Variants in NTRK2 observed in about 807,000 individuals in gnomAD.
NTRK2 encodes neurotrophic receptor tyrosine kinase 2.
Under a neutral mutation model 94.5 loss-of-function variants are expected in NTRK2, and 13 were observed. That is an observed-to-expected ratio of 0.14 (90% CI 0.09 to 0.22). The LOEUF is 0.22. Among genes scored for constraint, NTRK2 ranks in the 10% least tolerant of loss-of-function variants. NTRK2 has a pLI of 1.00. For synonymous variants in NTRK2, 372 were observed against 407.4 expected, an observed-to-expected ratio of 0.91 and a Z score of 1.05; for missense variants, 639 against 1,071.2, an observed-to-expected ratio of 0.60 and a Z score of 5.63.
At chr9:84,724,485 C>A in intron 8 of NTRK2, 129 bp downstream of exon 8, 1 of 1,043,860 alleles carries the variant, frequency 9.6e-7, no homozygotes, top group Non-Finnish European at 1.5e-6. Flanking sequence ...TGTGCATACT[C>A]TATTAAGAAA....
intron 4 of NTRK2, among the ~76,000 whole-genome samples, chr9:84,703,392 A>G (rs1179396412): frequency 6.6e-6 from 1 of 152,218 alleles, no homozygotes; most frequent in East Asian, 1.9e-4. Flanking sequence ...GAGTTCTAGG[A>G]CTTGCTCAGA....
In NTRK2 at chr9:84,692,451, C is replaced by CT. The variant is rs909587421; in HGVS notation, c.213-9700dup. Among the ~76,000 whole-genome samples, 3 of 133,226 alleles carry CT rather than the reference C, an allele frequency of 2.3e-5. No individual in the cohort carries two copies. In the Admixed American group the frequency reaches 2.4e-4, roughly 11 times the overall value. 87.4% of individuals were successfully genotyped at this position (133,226 alleles called of 152,430 possible). On this transcript the variant is annotated intron_variant, in intron 2 of 18. Transcript: ENST00000277120. ...TTTTACACACAGTTTCTTTTCTTTT[C>CT]TTTTTTTTCTTTTTTTCTTTTTTTT...
chr9:84,912,611 C>CTT (rs1212242779), intron 14 of NTRK2, among the ~76,000 whole-genome samples: 1,011 of 95,278 alleles, frequency 0.011, 29 homozygotes, highest in African/African-American at 0.025. Flanking sequence ...TTTGACTTGC[C>CTT]TTTTTTTTTT....
chr9:84,886,427 A>T (rs1587826609), intron 14 of NTRK2, among the ~76,000 whole-genome samples: 1 of 152,164 alleles, frequency 6.6e-6, no homozygotes, highest in South Asian at 2.1e-4. Flanking sequence ...TGTAATTGCC[A>T]CCCAGGCACT....
At chr9:84,785,300 C>A (rs1350286630) in intron 12 of NTRK2, among the ~76,000 whole-genome samples, 1 of 152,180 alleles carries the variant, frequency 6.6e-6, no homozygotes, top group Non-Finnish European at 1.5e-5. Flanking sequence ...TAAAAACCAA[C>A]TATTTGCTGA....
chr9:84,892,320 C>T (rs745950996), intron 14 of NTRK2, among the ~76,000 whole-genome samples: 82 of 152,182 alleles, frequency 5.4e-4, no homozygotes, highest in Non-Finnish European at 1.0e-3. Flanking sequence ...CTCTGTCTCT[C>T]ACATCTTAAA....
In NTRK2 at chr9:84,702,229, A is replaced by G. The variant is rs1185342057; in HGVS notation, c.283A>G (p.Asn95Asp). The G allele has an allele frequency of 6.2e-7, 1 of 1,614,152 alleles. No homozygotes were observed. The highest frequency in any genetic ancestry group is 2.2e-5 in the East Asian group (1 of 44,878). The change falls in exon 3 of 19, where the codon AAT becomes GAT. Residue 95 changes from asparagine to aspartate, a missense_variant. This residue lies in a region of NTRK2 where 206 missense variants were observed against 251.5 expected (regional missense o/e 0.82). Transcript: ENST00000277120. ...DDVEAYVGLR[N>D]LTIVDSGLKF... ...TGTTGAAGCTTATGTGGGACTGAGA[A>G]ATCTGTGAGTACTCAGGACCAGGGC...
chr9:84,894,155 T>G (rs62562457), intron 14 of NTRK2, among the ~76,000 whole-genome samples: 130,272 of 150,276 alleles, frequency 0.87, 56,676 homozygotes, highest in African/African-American at 0.94. Flanking sequence ...GGGTGTTACT[T>G]GACTATTTGG....
intron 4 of NTRK2, among the ~76,000 whole-genome samples, chr9:84,702,865 A>G (rs900251347): frequency 1.3e-5 from 2 of 152,190 alleles, no homozygotes; most frequent in African/African-American, 4.8e-5. Flanking sequence ...TTGAACCTTC[A>G]TTTTCCCAAA....
intron 12 of NTRK2, among the ~76,000 whole-genome samples, chr9:84,759,797 T>G (rs2065391905): frequency 6.6e-6 from 1 of 152,240 alleles, no homozygotes; most frequent in African/African-American, 2.4e-5. Flanking sequence ...GTCCTGCATG[T>G]CTTTGCTTTC....
At chr9:84,972,323 A>G (rs528548415) in intron 17 of NTRK2, among the ~76,000 whole-genome samples, 1 of 152,330 alleles carries the variant, frequency 6.6e-6, no homozygotes, top group East Asian at 1.9e-4. Context: ...TTCCCAAAAG[A>G]TGAGTTCCTT....
chr9:84,682,627 G>A (rs1386624524), intron 2 of NTRK2, among the ~76,000 whole-genome samples: 2 of 151,914 alleles, frequency 1.3e-5, no homozygotes, highest in African/African-American at 4.8e-5. Flanking sequence ...CTCCCACCAT[G>A]TACTCCCACC....
intron 15 of NTRK2, among the ~76,000 whole-genome samples, chr9:84,942,181 G>C (rs76890032): frequency 1.3e-5 from 2 of 152,266 alleles, no homozygotes; most frequent in Admixed American, 1.3e-4. Flanking sequence ...TTTTACATTT[G>C]TAGGGATGTT....
At chr9:84,898,808 T>A in intron 14 of NTRK2, among the ~76,000 whole-genome samples, 1 of 152,114 alleles carries the variant, frequency 6.6e-6, no homozygotes, top group East Asian at 1.9e-4. Context: ...CTTCAAGTGA[T>A]TCTCCTGCCT....
chr9:84,704,206 C>T (rs953596294), intron 4 of NTRK2, among the ~76,000 whole-genome samples: 4 of 147,272 alleles, frequency 2.7e-5, no homozygotes, highest in Non-Finnish European at 4.5e-5. Flanking sequence ...TGATATATGA[C>T]GGTGATTTTG....
intron 6 of NTRK2, among the ~76,000 whole-genome samples, chr9:84,711,203 A>G (rs909102403): frequency 1.3e-5 from 2 of 152,200 alleles, no homozygotes; most frequent in African/African-American, 4.8e-5. Flanking sequence ...GTGTCCTGGC[A>G]GCACAAGCAA....
chr9:84,871,221 G>A (rs948416968), intron 14 of NTRK2, among the ~76,000 whole-genome samples: 22 of 152,270 alleles, frequency 1.4e-4, no homozygotes, highest in Admixed American at 9.8e-4. Flanking sequence ...GATCAGGCAC[G>A]TCAATGCAAG....
chr9:84,975,908 A>C (rs150565080), intron 17 of NTRK2, among the ~76,000 whole-genome samples: 156 of 152,268 alleles, frequency 1.0e-3, no homozygotes, highest in Admixed American at 2.9e-3. Context: ...AAAGGATAGC[A>C]TAGGTCCCTA....
chr9:84,791,400 T>G (rs2068719826), intron 12 of NTRK2, among the ~76,000 whole-genome samples: 1 of 152,226 alleles, frequency 6.6e-6, no homozygotes, highest in South Asian at 2.1e-4. Flanking sequence ...AACTGACTAT[T>G]GTCTCTGTAG....
Sources: gnomAD v4.1 joint callset for allele counts (sites outside exome capture counted in the v4.1 genomes callset) on GRCh38, gnomAD v4.1.1 for gene constraint, gnomAD v4.1.1 regional missense constraint, MANE v1.5 for transcripts, NCBI Gene and HGNC (gene_info 2026-07-23, HGNC 2026-07-21) for gene names.